Variants in CUBN observed in about 807,000 individuals in gnomAD.
CUBN encodes the protein cubilin, also known as 460 kDa receptor.
In CUBN, 282 loss-of-function variants were observed where a neutral mutation model predicts 405.3. The observed-to-expected ratio is 0.70, with a 90% CI of 0.63 to 0.77. The LOEUF (loss-of-function observed/expected upper bound fraction) is 0.77, where lower values mean the gene tolerates loss of function less well. Ranked by LOEUF, CUBN falls within the 30% of genes least tolerant of loss-of-function variation. CUBN has a pLI of 0.00. For synonymous variants in CUBN, 1,684 were observed against 1,617.0 expected (o/e 1.04, Z -0.99); for missense variants, 4,514 against 4,475.2 (o/e 1.01, Z -0.25).
chr10:16,904,146 T>C (rs1371865763), intron 50 of CUBN, 31 bp from the exon 51 acceptor site: 6 of 1,605,766 alleles, frequency 3.7e-6, no homozygotes, highest in African/African-American at 2.7e-5. Context: ...AGTGCCATCA[T>C]TGATACAGCT....
At position 17,043,943 on chromosome 10, in the gene CUBN, T is replaced by C. The variant is rs1202923200; in HGVS notation, c.3713A>G (p.Gln1238Arg). 6.2e-7 allele frequency: 1 copy of C among 1,613,508 alleles called. No homozygotes were observed. Among genetic ancestry groups the C allele is most frequent in the Non-Finnish European group, 8.5e-7 (1 of 1,179,726 alleles). ...AGGGGGTTTCTCATCCCCACAAAGC[T>C]GAGTTAGCAGATGAGAGTTGCTACT... ...GPSSNSHLLT[Q>R]LCGDEKPPLI... The change falls in exon 26 of 67, where the codon CAG becomes CGG. Residue 1238 changes from glutamine to arginine, a missense_variant. Physicochemically the swap from Gln to Arg is conservative, Grantham distance 43. Around this residue, in one of 5 missense-constraint regions of CUBN, gnomAD observed 242 missense variants for 309.0 expected, o/e 0.78. Coordinates refer to ENST00000377833, the MANE Select transcript of CUBN (RefSeq NM_001081.4).
At chr10:17,123,332 T>C in intron 5 of CUBN, 4 of 548,074 alleles carry the variant, frequency 7.3e-6, no homozygotes, top group Non-Finnish European at 1.3e-5. Flanking sequence ...AAATTAATGT[T>C]AACAGAAATA....
chr10:17,060,842 G>A (rs141632569), intron 22 of CUBN, among the ~76,000 whole-genome samples: 5,546 of 152,182 alleles, frequency 0.036, 223 homozygotes, highest in South Asian at 0.22. Flanking sequence ...CCTGAGGTCA[G>A]GAGTTCAGGA....
chr10:17,001,869 G>C (rs1228902206), intron 28 of CUBN, among the ~76,000 whole-genome samples: 1 of 152,028 alleles, frequency 6.6e-6, no homozygotes, highest in Non-Finnish European at 1.5e-5. Context: ...GTAGCCTGTG[G>C]AACTAGGAGG....
At chr10:17,063,574 T>C (rs976564995) in intron 22 of CUBN, among the ~76,000 whole-genome samples, 1 of 152,242 alleles carries the variant, frequency 6.6e-6, no homozygotes, top group African/African-American at 2.4e-5. Flanking sequence ...ATTTTACGTG[T>C]ATCTTATCTT....
chr10:16,833,769 C>G (rs1403682812), intron 64 of CUBN, among the ~76,000 whole-genome samples: 3 of 152,118 alleles, frequency 2.0e-5, no homozygotes, highest in Non-Finnish European at 4.4e-5. Flanking sequence ...AAGAATCGTC[C>G]CACAGAATGA....
intron 66 of CUBN, among the ~76,000 whole-genome samples, chr10:16,826,140 T>C (rs1564371630): frequency 6.6e-6 from 1 of 152,184 alleles, no homozygotes; most frequent in Non-Finnish European, 1.5e-5. Flanking sequence ...CTGCAAGGGA[T>C]ATAGGATTTC....
At chr10:17,076,340 T>C (rs948529015) in intron 17 of CUBN, among the ~76,000 whole-genome samples, 1 of 152,190 alleles carries the variant, frequency 6.6e-6, no homozygotes, top group South Asian at 2.1e-4. Context: ...CCCTGGATTC[T>C]AGACATGGCA....
intron 31 of CUBN, among the ~76,000 whole-genome samples, chr10:16,969,678 T>C (rs1843498971): frequency 6.6e-6 from 1 of 152,154 alleles, no homozygotes; most frequent in Non-Finnish European, 1.5e-5. Flanking sequence ...AAATGTTCAT[T>C]TGTTTCTTCT....
chr10:17,058,245 G>A lies in CUBN; in HGVS notation c.3139+7263C>T, dbSNP rs879848455. On this transcript the variant is annotated intron_variant, in intron 22 of 66. Transcript: ENST00000377833. ...GTGTGTGTTTGCTGACATAGAGGTT[G>A]TTGAGGAAACTAATAAAAGGAACAC... Among the ~76,000 whole-genome samples the A allele has an allele frequency of 4.8e-4, 73 of 152,094 alleles. 1 individual carries two copies. Among genetic ancestry groups the A allele is most frequent in the African/African-American group, 1.7e-3 (72 of 41,430 alleles).
At chr10:16,939,248 T>C (rs74116774) in intron 37 of CUBN, 101 bp from the exon 38 acceptor site, 5 of 914,060 alleles carry the variant, frequency 5.5e-6, no homozygotes, top group East Asian at 2.5e-5. Flanking sequence ...GATGGACTTT[T>C]AATTGACTGT....
intron 45 of CUBN, among the ~76,000 whole-genome samples, chr10:16,918,270 T>C (rs1426860868): frequency 6.6e-6 from 1 of 152,222 alleles, no homozygotes; most frequent in Non-Finnish European, 1.5e-5. Context: ...GCCTTGGCTA[T>C]TTGGGTTCTT....
intron 56 of CUBN, among the ~76,000 whole-genome samples, chr10:16,877,564 T>C (rs1011258580): frequency 2.0e-5 from 3 of 152,122 alleles, no homozygotes; most frequent in African/African-American, 4.8e-5. Context: ...AACATGTCAA[T>C]AGCGCTGCTA....
In CUBN at chr10:16,938,976, T is replaced by A. The variant is rs934762690; in HGVS notation, c.5720A>T (p.Tyr1907Phe). 26 of 1,613,230 alleles carry A rather than the reference T, an allele frequency of 1.6e-5. No individual in the cohort carries two copies. Among genetic ancestry groups the A allele is most frequent in the African/African-American group, 2.7e-5 (2 of 74,918 alleles). ...MDIEEIQNCY[Y>F]DKLRIYDGPS... The stretch of plus-strand genomic sequence containing the variant: ...GTGGAAACTCACCCTTAATTTGTCA[T>A]AATAGCAGTTTTGTATTTCTTCTAT... The change falls in exon 38 of 67, where the codon TAT becomes TTT. Residue 1907 changes from tyrosine to phenylalanine, a missense_variant. Tyr to Phe is a conservative substitution (Grantham distance 22). Transcript: ENST00000377833.
chr10:17,064,710 C>G (rs1294080166), intron 22 of CUBN, among the ~76,000 whole-genome samples: 2 of 152,144 alleles, frequency 1.3e-5, no homozygotes, highest in Non-Finnish European at 2.9e-5. Flanking sequence ...TGCACAGGCT[C>G]TTGGGGCTGG....
At chr10:17,076,686 C>G (rs1410134591) in intron 17 of CUBN, among the ~76,000 whole-genome samples, 2 of 152,110 alleles carry the variant, frequency 1.3e-5, no homozygotes, top group African/African-American at 4.8e-5. Flanking sequence ...TTGCTTTGCC[C>G]AACAGAGTGT....
intron 50 of CUBN, among the ~76,000 whole-genome samples, chr10:16,904,560 C>T (rs1841502854): frequency 6.6e-6 from 1 of 152,212 alleles, no homozygotes. Flanking sequence ...GAAATGGACT[C>T]CATATTCGGC....
chr10:17,105,569 A>G lies in CUBN; in HGVS notation c.1118T>C (p.Leu373Ser), dbSNP rs769098253. Residue 373 changes from leucine to serine, a missense_variant, in exon 11 of 67, where the codon TTA becomes TCA. Leu to Ser is a moderately radical substitution (Grantham distance 145). Coordinates refer to ENST00000377833, the MANE Select transcript of CUBN (RefSeq NM_001081.4). ...DASCSSTLGS[L>S]PLCTCLPGYT... ...ACCCGGGAGACACGTGCAGAGAGGT[A>G]AGGAACCTGTTCAGAAATAAAAACA... The G allele has an allele frequency of 1.9e-6, 3 of 1,574,064 alleles. No homozygotes were observed. Among genetic ancestry groups the G allele is most frequent in the Non-Finnish European group, 2.6e-6 (3 of 1,142,898 alleles).
At chr10:16,946,909 T>A (rs1455912366) in intron 36 of CUBN, among the ~76,000 whole-genome samples, 1 of 151,994 alleles carries the variant, frequency 6.6e-6, no homozygotes, top group African/African-American at 2.4e-5. Flanking sequence ...TAAACAATAC[T>A]AGTGATTCCC....
Sources: gnomAD v4.1 joint callset for allele counts (sites outside exome capture counted in the v4.1 genomes callset) on GRCh38, gnomAD v4.1.1 for gene constraint, gnomAD v4.1.1 regional missense constraint, MANE v1.5 for transcripts, NCBI Gene and HGNC (gene_info 2026-07-23, HGNC 2026-07-21) for gene names.